Variants in NIPAL2 observed in about 807,000 individuals in gnomAD.
NIPAL2 encodes the protein NIPA-like protein 2.
A neutral mutation model predicts 48.9 loss-of-function variants in NIPAL2; 43 were observed. That is an observed-to-expected ratio of 0.88 (90% CI 0.69 to 1.13). The LOEUF (loss-of-function observed/expected upper bound fraction) is 1.13, where lower values mean the gene tolerates loss of function less well. Among genes scored for constraint, NIPAL2 ranks in the 50% most tolerant of loss-of-function variants. The probability of loss-of-function intolerance (pLI) is 0.00; values close to 1 mark genes in which losing one functional copy is unlikely to be tolerated. For synonymous variants in NIPAL2, 167 were observed against 174.6 expected (o/e 0.96, Z 0.34); for missense variants, 446 against 461.4 (o/e 0.97, Z 0.31).
chr8:98,229,834 T>C (rs1812352657), intron 4 of NIPAL2, among the ~76,000 whole-genome samples: 1 of 152,228 alleles, frequency 6.6e-6, no homozygotes, highest in Non-Finnish European at 1.5e-5. Flanking sequence ...CAGTTCTAAA[T>C]GCTTTATACA....
At chr8:98,211,733 A>AGTGT (rs1156409051) in intron 6 of NIPAL2, among the ~76,000 whole-genome samples, 15,281 of 109,008 alleles carry the variant, frequency 0.14, 1,266 homozygotes, top group Non-Finnish European at 0.17. Context: ...AGAGAGAGAA[A>AGTGT]GTGTGTGTGT....
At chr8:98,211,463 A>C (rs1365741559) in intron 6 of NIPAL2, among the ~76,000 whole-genome samples, 2 of 152,134 alleles carry the variant, frequency 1.3e-5, no homozygotes, top group Admixed American at 1.3e-4. Context: ...ACTATCAAAA[A>C]CACAAATTTT....
intron 4 of NIPAL2, among the ~76,000 whole-genome samples, chr8:98,234,909 A>G (rs573620895): frequency 2.0e-5 from 3 of 152,224 alleles, no homozygotes; most frequent in South Asian, 4.1e-4. Flanking sequence ...ACAAACCACA[A>G]TATATAAAAA....
At chr8:98,235,571 G>GT (rs1812666929) in intron 4 of NIPAL2, among the ~76,000 whole-genome samples, 1 of 152,072 alleles carries the variant, frequency 6.6e-6, no homozygotes, top group African/African-American at 2.4e-5. Flanking sequence ...CCTTTGGAGT[G>GT]TAATAGTCTA....
Position 98,192,318 on chromosome 8 carries a change from T to C in NIPAL2, c.*660A>G, listed in dbSNP as rs1810334827. On this transcript the variant is annotated 3_prime_UTR_variant, in exon 11 of 11. Transcript: ENST00000430223. ...CTACTGAAACAAGCAGAGTCCTACTTCTTAAACTTCCTCTTCCTTACACGT... is the reference window on the plus strand; with the variant it reads ...CTACTGAAACAAGCAGAGTCCTACTCCTTAAACTTCCTCTTCCTTACACGT... 6.6e-6 allele frequency: 1 copy of C among 152,276 alleles called. No homozygotes were observed. The highest frequency in any genetic ancestry group is 1.5e-5 in the Non-Finnish European group (1 of 68,104). 9.4% of individuals were successfully genotyped at this position (152,276 alleles called of 1,614,324 possible).
chr8:98,224,755 C>CTTTTTTTTTTTTT (rs371936351), intron 4 of NIPAL2, among the ~76,000 whole-genome samples: 27 of 123,768 alleles, frequency 2.2e-4, no homozygotes, highest in Middle Eastern at 5.1e-3. Context: ...TCTTTCTTTT[C>CTTTTTTTTTTTTT]TTTTTTTTTT....
intron 3 of NIPAL2, among the ~76,000 whole-genome samples, chr8:98,245,808 A>G (rs545958703): frequency 2.0e-5 from 3 of 152,366 alleles, no homozygotes; most frequent in Admixed American, 2.0e-4. Flanking sequence ...TGCTGAGCGT[A>G]TATGAGCAGA....
intron 1 of NIPAL2, among the ~76,000 whole-genome samples, chr8:98,267,508 T>C (rs1814844137): frequency 6.6e-6 from 1 of 151,966 alleles, no homozygotes; most frequent in African/African-American, 2.4e-5. Context: ...TTTGTAGAGA[T>C]GGGGTCTCAT....
At chr8:98,268,107 C>T (rs1407391671) in intron 1 of NIPAL2, among the ~76,000 whole-genome samples, 4 of 152,118 alleles carry the variant, frequency 2.6e-5, no homozygotes, top group Admixed American at 6.5e-5. Context: ...AACAAGTGGG[C>T]AGAGATAATT....
intron 1 of NIPAL2, among the ~76,000 whole-genome samples, chr8:98,262,307 T>G (rs1288107633): frequency 6.6e-6 from 1 of 151,054 alleles, no homozygotes; most frequent in African/African-American, 2.4e-5. Context: ...ATGGACTAAA[T>G]GCTCCAATTA....
At chr8:98,254,417 T>G (rs191966125) in intron 1 of NIPAL2, among the ~76,000 whole-genome samples, 3 of 152,368 alleles carry the variant, frequency 2.0e-5, no homozygotes, top group Non-Finnish European at 4.4e-5. Context: ...TTATTTTCTT[T>G]TCTCTAATAT....
intron 1 of NIPAL2, among the ~76,000 whole-genome samples, chr8:98,269,441 A>C (rs553582197): frequency 4.8e-4 from 73 of 152,222 alleles, no homozygotes; most frequent in Non-Finnish European, 8.7e-4. Flanking sequence ...ATCTCCTTGT[A>C]CATCTCCATA....
chr8:98,198,116 G>T (rs1358403490), intron 8 of NIPAL2, among the ~76,000 whole-genome samples: 2 of 152,188 alleles, frequency 1.3e-5, no homozygotes, highest in Non-Finnish European at 1.5e-5. Flanking sequence ...TCCATGGGCT[G>T]CAGAATGAAT....
rs1264756498 is a variant in NIPAL2, at chr8:98,222,509, G to A, written c.528C>T (p.Tyr176=). The part of the protein sequence containing the change: ...QAISARTVQY[Y]LVGWQFLIYV... ...AGATCAGGAACTGCCATCCGACAAG[G>A]TAATACTGTACTGTTCTTGCTGAGA... The change falls in exon 5 of 11, where the codon TAC becomes TAT. Residue 176 remains tyrosine, a synonymous_variant. Coordinates refer to ENST00000430223, the MANE Select transcript of NIPAL2 (RefSeq NM_001321635.2). 6.2e-7 allele frequency: 1 copy of A among 1,613,978 alleles called. No homozygotes were observed. The highest frequency in any genetic ancestry group is 1.7e-5 in the Admixed American group (1 of 60,014).
chr8:98,275,152 A>AAT (rs370680080), intron 1 of NIPAL2, among the ~76,000 whole-genome samples: 5 of 152,176 alleles, frequency 3.3e-5, no homozygotes, highest in African/African-American at 1.2e-4. Flanking sequence ...AGATTTCACC[A>AAT]ATTATATATG....
chr8:98,230,703 G>T (rs1192943809), intron 4 of NIPAL2, among the ~76,000 whole-genome samples: 1 of 152,144 alleles, frequency 6.6e-6, no homozygotes, highest in Non-Finnish European at 1.5e-5. Context: ...ATAGATACCT[G>T]TGCACCAAAA....
chr8:98,205,209 G>T lies in NIPAL2; in HGVS notation c.693C>A (p.Gly231=). The T allele has an allele frequency of 1.2e-6, 2 of 1,613,362 alleles. No homozygotes were observed. Among genetic ancestry groups the T allele is most frequent in the South Asian group, 1.1e-5 (1 of 90,986 alleles). ...TATCCATCACAGAAAAAGTGATCAT[G>T]CCTGAGACGGCCTTTACTGAAATAA... is the stretch of plus-strand genomic sequence containing the variant. ...LTVISVKAVS[G]MITFSVMDKM... The change falls in exon 7 of 11, where the codon GGC becomes GGA. Residue 231 remains glycine (G), a synonymous_variant. Coordinates refer to ENST00000430223, the MANE Select transcript of NIPAL2 (RefSeq NM_001321635.2).
chr8:98,276,751 CT>C (rs1192654108), intron 1 of NIPAL2, among the ~76,000 whole-genome samples: 2 of 151,082 alleles, frequency 1.3e-5, no homozygotes, highest in Non-Finnish European at 3.0e-5. Flanking sequence ...TTACCCATTT[CT>C]TTCTTTCTTT....
intron 6 of NIPAL2, among the ~76,000 whole-genome samples, chr8:98,208,552 A>C (rs1215438813): frequency 6.6e-6 from 1 of 151,964 alleles, no homozygotes; most frequent in Non-Finnish European, 1.5e-5. Flanking sequence ...GGGTTCAAAT[A>C]ATTGTCCTGC....
Sources: allele counts gnomAD v4.1 joint callset (sites outside exome capture counted in the v4.1 genomes callset), GRCh38; gene constraint gnomAD v4.1.1; transcripts MANE v1.5; gene names NCBI Gene and HGNC (gene_info 2026-07-23, HGNC 2026-07-21).